Variants in ZNF423 observed in about 807,000 individuals in gnomAD.
ZNF423 encodes the protein Ebf-associated zinc finger protein.
In ZNF423, 12 loss-of-function variants were observed where a neutral mutation model predicts 95.8. The observed-to-expected ratio is 0.13, with a 90% CI of 0.08 to 0.20. The LOEUF is 0.20. Ranked by LOEUF, ZNF423 falls within the 10% of genes least tolerant of loss-of-function variation. ZNF423 has a pLI of 1.00. For synonymous variants in ZNF423, 749 were observed against 711.9 expected (o/e 1.05, Z -0.83); for missense variants, 1,316 against 1,737.1 (o/e 0.76, Z 4.31).
intron 3 of ZNF423, among the ~76,000 whole-genome samples, chr16:49,696,769 C>A (rs141726350): frequency 2.6e-5 from 4 of 152,184 alleles, no homozygotes; most frequent in Non-Finnish European, 2.9e-5. Context: ...AAGCCCCCCC[C>A]ACCCAGGGTG....
intron 5 of ZNF423, among the ~76,000 whole-genome samples, chr16:49,569,159 C>T (rs1282048566): frequency 1.3e-5 from 2 of 152,210 alleles, no homozygotes; most frequent in African/African-American, 2.4e-5. Context: ...TTCTTCAGGC[C>T]GCTATCTTTT....
At chr16:49,642,840 G>A (rs1160766017) in intron 3 of ZNF423, among the ~76,000 whole-genome samples, 1 of 149,776 alleles carries the variant, frequency 6.7e-6, no homozygotes, top group Non-Finnish European at 1.5e-5. Context: ...GGGCAGGAGG[G>A]GAAGGAGTCT....
chr16:49,635,794 G>A lies in ZNF423; in HGVS notation c.3382C>T (p.Leu1128Phe). The A allele has an allele frequency of 6.2e-7, 1 of 1,612,282 alleles. No individual in the cohort carries two copies. The highest frequency in any genetic ancestry group is 8.5e-7 in the Non-Finnish European group (1 of 1,179,710). Residue 1128 changes from leucine to phenylalanine, a missense_variant, in exon 4 of 8, where the codon CTC becomes TTC. Transcript: ENST00000563137. This position sits in a 1 kb window ranked among gnomAD's most constrained non-coding sequence, Gnocchi z 4.8. ...PEPADRPCAG[L>F]RCPECSVKFE... is the part of the protein sequence containing the mutation. ...TTGACACTGCACTCGGGGCAACGGA[G>A]GCCGGCACAGGGCCGGTCGGCGGGC...
At chr16:49,714,488 C>T (rs905235386) in intron 3 of ZNF423, among the ~76,000 whole-genome samples, 1 of 151,914 alleles carries the variant, frequency 6.6e-6, no homozygotes, top group Non-Finnish European at 1.5e-5. Context: ...AAAACCCCAT[C>T]TCTACTAAAA....
intron 3 of ZNF423, among the ~76,000 whole-genome samples, chr16:49,668,783 G>T (rs1039207066): frequency 1.3e-5 from 2 of 152,170 alleles, no homozygotes; most frequent in African/African-American, 4.8e-5. Context: ...AAGGAGGGGT[G>T]GGCAGGGAGG....
intron 2 of ZNF423, among the ~76,000 whole-genome samples, chr16:49,770,624 G>A (rs1299472431): frequency 6.6e-6 from 1 of 152,118 alleles, no homozygotes; most frequent in Admixed American, 6.5e-5. Context: ...AGGGACAGCG[G>A]CTGGGCCTTG....
At chr16:49,499,038 G>T (rs904786036) in intron 7 of ZNF423, among the ~76,000 whole-genome samples, 1 of 152,160 alleles carries the variant, frequency 6.6e-6, no homozygotes, top group South Asian at 2.1e-4. Context: ...ATCCCCCGGG[G>T]CCCAGGCTAT....
At chr16:49,516,702 G>C (rs1968159103) in intron 7 of ZNF423, among the ~76,000 whole-genome samples, 1 of 152,196 alleles carries the variant, frequency 6.6e-6, no homozygotes, top group African/African-American at 2.4e-5. Flanking sequence ...AATGCTCAGT[G>C]TCCATCCAGG....
At chr16:49,761,512 C>T (rs2033832825) in intron 2 of ZNF423, among the ~76,000 whole-genome samples, 1 of 152,240 alleles carries the variant, frequency 6.6e-6, no homozygotes, top group Non-Finnish European at 1.5e-5. Flanking sequence ...CAGGACCACG[C>T]TCTGAGTAGC....
At chr16:49,708,060 A>T (rs1164544178) in intron 3 of ZNF423, 1 of 152,632 alleles carries the variant, frequency 6.6e-6, no homozygotes, top group African/African-American at 2.4e-5. Flanking sequence ...GGACCGTGAA[A>T]GGTGCGTGCG....
At chr16:49,791,297 C>G (rs2034409599) in intron 1 of ZNF423, among the ~76,000 whole-genome samples, 2 of 152,066 alleles carry the variant, frequency 1.3e-5, no homozygotes, top group Admixed American at 1.3e-4. Flanking sequence ...AAATAGCAAT[C>G]AAGACCTCGT....
At chr16:49,814,931 G>C (rs2034813466) in intron 1 of ZNF423, among the ~76,000 whole-genome samples, 1 of 152,032 alleles carries the variant, frequency 6.6e-6, no homozygotes, top group Non-Finnish European at 1.5e-5. Context: ...CCAGAGCACT[G>C]GCCATCTCAA....
At chr16:49,532,837 C>A (rs1968902739) in intron 5 of ZNF423, among the ~76,000 whole-genome samples, 1 of 152,152 alleles carries the variant, frequency 6.6e-6, no homozygotes, top group Non-Finnish European at 1.5e-5. Context: ...ACTTATTTAC[C>A]CAGGTACCCA....
chr16:49,522,115 C>A (rs1375798644), intron 7 of ZNF423, among the ~76,000 whole-genome samples: 1 of 152,134 alleles, frequency 6.6e-6, no homozygotes, highest in East Asian at 1.9e-4. Context: ...TTGCTGCATG[C>A]AGGTGCAGCA....
chr16:49,599,966 C>T (rs1188085042), intron 5 of ZNF423, among the ~76,000 whole-genome samples: 1 of 152,176 alleles, frequency 6.6e-6, no homozygotes, highest in Non-Finnish European at 1.5e-5. Context: ...ACTTGTAAAA[C>T]TGTATCACGC....
At chr16:49,839,712 G>A (rs1218920111) in intron 1 of ZNF423, among the ~76,000 whole-genome samples, 1 of 152,158 alleles carries the variant, frequency 6.6e-6, no homozygotes, top group African/African-American at 2.4e-5. Context: ...CCAGCCTGCT[G>A]GCTGAAGCTG....
At chr16:49,703,271 C>T (rs2032249975) in intron 3 of ZNF423, among the ~76,000 whole-genome samples, 2 of 152,198 alleles carry the variant, frequency 1.3e-5, no homozygotes, top group South Asian at 4.1e-4. Flanking sequence ...GTACTCTATC[C>T]ATTACGTCAG....
intron 5 of ZNF423, among the ~76,000 whole-genome samples, chr16:49,549,687 G>C (rs1031373991): frequency 4.6e-5 from 7 of 152,184 alleles, no homozygotes; most frequent in Non-Finnish European, 7.3e-5. Context: ...TCCGGTCCTT[G>C]TAACGTCCTT....
chr16:49,616,437 C>T (rs1318168168), intron 5 of ZNF423, among the ~76,000 whole-genome samples: 1 of 151,892 alleles, frequency 6.6e-6, no homozygotes, highest in Admixed American at 6.6e-5. Context: ...CTACAGTCAA[C>T]AATCATTTAT....
Sources: allele counts gnomAD v4.1 joint callset (sites outside exome capture counted in the v4.1 genomes callset), GRCh38; gene constraint gnomAD v4.1.1; non-coding constraint Gnocchi (gnomAD v3.1); transcripts MANE v1.5; gene names NCBI Gene and HGNC (gene_info 2026-07-23, HGNC 2026-07-21).